The following CACNA2D3 variants were observed in gnomAD, a reference collection of about 807,000 sequenced individuals.
CACNA2D3 encodes the protein voltage-dependent calcium channel subunit alpha-2/delta-3.
A neutral mutation model predicts 160.6 loss-of-function variants in CACNA2D3; 60 were observed. The ratio of observed to expected loss-of-function variants is 0.37; its 90% CI spans 0.30 to 0.46. CACNA2D3 has a LOEUF of 0.46. Ranked by LOEUF, CACNA2D3 falls within the 20% of genes least tolerant of loss-of-function variation. The probability of loss-of-function intolerance (pLI) is 1.00; values close to 1 mark genes in which losing one functional copy is unlikely to be tolerated. For missense variants in CACNA2D3, 1,205 were observed against 1,365.0 expected, an observed-to-expected ratio of 0.88 and a Z score of 1.85; for synonymous variants, 558 against 492.9, an observed-to-expected ratio of 1.13 and a Z score of -1.75.
intron 11 of CACNA2D3, among the ~76,000 whole-genome samples, chr3:54,739,906 A>G (rs1224048167): frequency 1.3e-5 from 2 of 152,034 alleles, no homozygotes; most frequent in East Asian, 3.9e-4. Context: ...CCCATTCTAT[A>G]AAAAGTATTT....
At chr3:54,761,074 C>T (rs1324960514) in intron 12 of CACNA2D3, among the ~76,000 whole-genome samples, 3 of 152,166 alleles carry the variant, frequency 2.0e-5, no homozygotes, top group South Asian at 2.1e-4. Flanking sequence ...CCCCAACTCC[C>T]TCTCTATCCT....
intron 35 of CACNA2D3, among the ~76,000 whole-genome samples, chr3:55,021,681 A>ATATATATGTGTGTATATATATATATGTG (rs1703457283): frequency 1.7e-5 from 1 of 58,392 alleles, no homozygotes; most frequent in African/African-American, 6.5e-5. Context: ...ATATATGTGT[A>ATATATATGTGTGTATATATATATATGTG]TATATATATA....
chr3:54,997,325 T>C (rs1702880084), intron 31 of CACNA2D3, among the ~76,000 whole-genome samples: 1 of 152,182 alleles, frequency 6.6e-6, no homozygotes, highest in Admixed American at 6.5e-5. Context: ...TTAGAATTCC[T>C]TAGGGAGCTT....
At chr3:54,138,055 C>T (rs950477955) in intron 2 of CACNA2D3, among the ~76,000 whole-genome samples, 6 of 152,178 alleles carry the variant, frequency 3.9e-5, no homozygotes, top group Non-Finnish European at 7.3e-5. Flanking sequence ...ACCACTGCGA[C>T]GATCCCATGG....
intron 3 of CACNA2D3, among the ~76,000 whole-genome samples, chr3:54,346,225 A>G (rs1457137495): frequency 1.3e-5 from 2 of 152,140 alleles, no homozygotes; most frequent in Non-Finnish European, 2.9e-5. Flanking sequence ...GAGACGGATG[A>G]TAGGATACAG....
At chr3:54,498,745 G>A (rs189058427) in intron 4 of CACNA2D3, among the ~76,000 whole-genome samples, 17 of 151,618 alleles carry the variant, frequency 1.1e-4, no homozygotes, top group Admixed American at 7.9e-4. Flanking sequence ...CTCTGCTTTC[G>A]TTGCATCTCA....
intron 4 of CACNA2D3, among the ~76,000 whole-genome samples, chr3:54,471,667 TAAG>T (rs1700733885): frequency 6.7e-6 from 1 of 149,938 alleles, no homozygotes; most frequent in African/African-American, 2.5e-5. Context: ...GACTAATAAA[TAAG>T]AAAAGAGAGA....
chr3:54,215,331 T>C (rs373845350), intron 2 of CACNA2D3, among the ~76,000 whole-genome samples: 6 of 152,368 alleles, frequency 3.9e-5, no homozygotes, highest in African/African-American at 1.2e-4. Flanking sequence ...CTTCTCATTT[T>C]TTTGTGGTGA....
chr3:54,686,212 A>G (rs547441519), intron 11 of CACNA2D3, among the ~76,000 whole-genome samples: 1 of 152,300 alleles, frequency 6.6e-6, no homozygotes, highest in South Asian at 2.1e-4. Flanking sequence ...CCATTCATTT[A>G]CATATTGTCT....
chr3:54,642,977 AG>A (rs1699556059), intron 11 of CACNA2D3, among the ~76,000 whole-genome samples: 1 of 152,162 alleles, frequency 6.6e-6, no homozygotes, highest in African/African-American at 2.4e-5. Context: ...CAAGTTTCTC[AG>A]TGGGCACCAG....
chr3:55,016,863 A>G (rs1219211570), intron 34 of CACNA2D3, among the ~76,000 whole-genome samples: 1 of 152,200 alleles, frequency 6.6e-6, no homozygotes, highest in South Asian at 2.1e-4. Context: ...AGAAACCGTC[A>G]TGCTAGGATA....
intron 9 of CACNA2D3, among the ~76,000 whole-genome samples, chr3:54,623,041 A>G (rs77003176): frequency 0.013 from 1,971 of 152,312 alleles, 48 homozygotes; most frequent in African/African-American, 0.045. Context: ...TGGTCTCCGC[A>G]GCCAGGGTCA....
intron 2 of CACNA2D3, among the ~76,000 whole-genome samples, chr3:54,222,853 T>G (rs1032965098): frequency 1.3e-5 from 2 of 152,228 alleles, no homozygotes; most frequent in East Asian, 3.8e-4. Flanking sequence ...TAAGTTTTGA[T>G]TTTTAAGAAA....
At chr3:55,053,842 A>G (rs957258348) in intron 35 of CACNA2D3, among the ~76,000 whole-genome samples, 3 of 151,980 alleles carry the variant, frequency 2.0e-5, no homozygotes, top group Middle Eastern at 3.2e-3. Context: ...AAAATCAGAC[A>G]TGCTTTTCTG....
intron 27 of CACNA2D3, among the ~76,000 whole-genome samples, chr3:54,965,451 G>T (rs1172251564): frequency 6.6e-6 from 1 of 152,072 alleles, no homozygotes; most frequent in Non-Finnish European, 1.5e-5. Flanking sequence ...GGCTCTCCAT[G>T]CCTCACCTTA....
intron 11 of CACNA2D3, among the ~76,000 whole-genome samples, chr3:54,691,082 G>C (rs1700561871): frequency 6.6e-6 from 1 of 152,148 alleles, no homozygotes; most frequent in Non-Finnish European, 1.5e-5. Context: ...GATGTTAGCT[G>C]TCTACTCTAA....
intron 11 of CACNA2D3, among the ~76,000 whole-genome samples, chr3:54,709,909 A>G (rs1300303915): frequency 1.3e-5 from 2 of 152,220 alleles, no homozygotes; most frequent in Non-Finnish European, 2.9e-5. Context: ...TGCATGAAAG[A>G]GCAAGACCCT....
chr3:54,327,877 A>G (rs1704151100), intron 3 of CACNA2D3, among the ~76,000 whole-genome samples: 1 of 152,136 alleles, frequency 6.6e-6, no homozygotes, highest in Admixed American at 6.5e-5. Flanking sequence ...TCTTTCTTGT[A>G]ACAGGCTTTT....
At chr3:54,126,482 T>G (rs971664283) in intron 2 of CACNA2D3, among the ~76,000 whole-genome samples, 3 of 152,224 alleles carry the variant, frequency 2.0e-5, no homozygotes, top group African/African-American at 7.2e-5. Flanking sequence ...TTTTGCCGCT[T>G]TAGCCTATTA....
Sources: gnomAD v4.1 joint callset for allele counts (sites outside exome capture counted in the v4.1 genomes callset) on GRCh38, gnomAD v4.1.1 for gene constraint, MANE v1.5 for transcripts, NCBI Gene and HGNC (gene_info 2026-07-23, HGNC 2026-07-21) for gene names.